SLC10A7: variants seen among roughly 807,000 people sequenced by gnomAD.
SLC10A7 encodes the protein sodium/bile acid cotransporter 7.
A neutral mutation model predicts 43.2 loss-of-function variants in SLC10A7; 29 were observed. The ratio of observed to expected loss-of-function variants is 0.67; its 90% CI spans 0.50 to 0.92. SLC10A7 has a LOEUF of 0.92. Among genes scored for constraint, SLC10A7 ranks in the 40% least tolerant of loss-of-function variants. SLC10A7 has a pLI of 0.00. For synonymous variants in SLC10A7, 152 were observed against 144.8 expected (o/e 1.05, Z -0.35); for missense variants, 295 against 403.2 (o/e 0.73, Z 2.30).
intron 7 of SLC10A7, among the ~76,000 whole-genome samples, chr4:146,299,061 T>C (rs1367094695): frequency 6.6e-6 from 1 of 152,262 alleles, no homozygotes; most frequent in African/African-American, 2.4e-5. Flanking sequence ...AATAAAAGAT[T>C]AAGAAAAATA....
At chr4:146,390,622 C>A (rs992704193) in intron 5 of SLC10A7, among the ~76,000 whole-genome samples, 1 of 152,018 alleles carries the variant, frequency 6.6e-6, no homozygotes, top group Non-Finnish European at 1.5e-5. Flanking sequence ...GGTGACAAAG[C>A]AAGACCCTGT....
At chr4:146,481,673 A>G (rs181018289) in intron 4 of SLC10A7, among the ~76,000 whole-genome samples, 207 of 152,336 alleles carry the variant, frequency 1.4e-3, no homozygotes, top group African/African-American at 4.6e-3. Context: ...CTGCTAGGGT[A>G]TGCTTCAGAG....
chr4:146,324,441 A>ACAC (rs1215267681), intron 6 of SLC10A7, among the ~76,000 whole-genome samples: 4 of 152,086 alleles, frequency 2.6e-5, no homozygotes, highest in Non-Finnish European at 5.9e-5. Flanking sequence ...AGATGTTACA[A>ACAC]CCTAGGCCTC....
At chr4:146,425,447 G>C (rs1188424227) in intron 5 of SLC10A7, among the ~76,000 whole-genome samples, 2 of 152,184 alleles carry the variant, frequency 1.3e-5, no homozygotes, top group African/African-American at 4.8e-5. Context: ...AATGTGGCTA[G>C]TGTGACTGAG....
intron 5 of SLC10A7, among the ~76,000 whole-genome samples, chr4:146,355,754 T>C (rs1186563392): frequency 9.8e-4 from 147 of 149,654 alleles, no homozygotes; most frequent in Non-Finnish European, 1.8e-3. Flanking sequence ...ATGGATGAAA[T>C]TGGAAACCAT....
intron 10 of SLC10A7, among the ~76,000 whole-genome samples, chr4:146,270,667 G>C (rs897871157): frequency 6.6e-6 from 1 of 152,174 alleles, no homozygotes; most frequent in African/African-American, 2.4e-5. Context: ...TATTGCGGTG[G>C]AGTCAGAGGA....
In SLC10A7 at chr4:146,363,483, A is replaced by G. The variant is rs542719039; in HGVS notation, c.436-37487T>C. Among the ~76,000 whole-genome samples the G allele has an allele frequency of 2.6e-5, 4 of 152,208 alleles. No homozygotes were observed. The South Asian group carries it at 8.3e-4, about 32-fold the overall frequency. ...ACAGAAATCCAACAAAGAAATATCA[A>G]TCTGCACTATAGACCAAATGGACCT... On this transcript the variant is annotated intron_variant, in intron 5 of 11. Transcript: ENST00000335472.
chr4:146,335,110 G>A (rs1402125716), intron 5 of SLC10A7, among the ~76,000 whole-genome samples: 1 of 151,946 alleles, frequency 6.6e-6, no homozygotes, highest in Non-Finnish European at 1.5e-5. Context: ...AGAAGATGAT[G>A]TCAGTGTTTG....
chr4:146,354,079 G>C, intron 5 of SLC10A7, among the ~76,000 whole-genome samples: 2 of 147,846 alleles, frequency 1.4e-5, no homozygotes, highest in Middle Eastern at 6.8e-3. Context: ...ATTCAATTAG[G>C]AAAAGAGGAA....
intron 5 of SLC10A7, chr4:146,441,616 T>C: frequency 1.2e-6 from 1 of 829,420 alleles, no homozygotes; most frequent in Non-Finnish European, 1.5e-6. Flanking sequence ...ACTCATGAAA[T>C]AATGACTTAA....
intron 10 of SLC10A7, among the ~76,000 whole-genome samples, chr4:146,280,860 A>G (rs1387588876): frequency 6.6e-6 from 1 of 152,174 alleles, no homozygotes; most frequent in East Asian, 1.9e-4. Context: ...TGGAGCTGGA[A>G]GTAAAATTAC....
At chr4:146,497,508 G>T (rs549434261) in intron 4 of SLC10A7, among the ~76,000 whole-genome samples, 2 of 151,780 alleles carry the variant, frequency 1.3e-5, no homozygotes, top group African/African-American at 4.8e-5. Context: ...TCAAAATTTT[G>T]CAAAGTTGTA....
intron 5 of SLC10A7, among the ~76,000 whole-genome samples, chr4:146,396,732 T>TTA (rs146416535): frequency 6.6e-6 from 1 of 151,862 alleles, no homozygotes; most frequent in East Asian, 1.9e-4. Flanking sequence ...AATTGTGGGA[T>TTA]TATATATATT....
At chr4:146,499,032 C>A (rs1736172459) in intron 4 of SLC10A7, among the ~76,000 whole-genome samples, 1 of 151,968 alleles carries the variant, frequency 6.6e-6, no homozygotes, top group African/African-American at 2.4e-5. Context: ...GCATACATCC[C>A]CAAATCATTA....
chr4:146,517,024 A>G lies in SLC10A7; in HGVS notation c.183+14T>C, dbSNP rs748244647. 6.4e-7 allele frequency: 1 copy of G among 1,572,590 alleles called. No individual in the cohort carries two copies. Among genetic ancestry groups the G allele is most frequent in the African/African-American group, 1.4e-5 (1 of 73,596 alleles). ...TTTCTCCCTGCTTTTCATGTGTCCC[A>G]TAGATGACAGTACCTCTGTTTTCAA... On this transcript the variant is annotated intron_variant, in intron 2 of 11. Transcript: ENST00000335472.
chr4:146,353,347 A>C (rs1225802891), intron 5 of SLC10A7, among the ~76,000 whole-genome samples: 1 of 120,150 alleles, frequency 8.3e-6, no homozygotes, highest in Non-Finnish European at 1.7e-5. Context: ...GAAGAAGTTG[A>C]ATCTCTGAAT....
chr4:146,497,416 C>T (rs76369588), intron 4 of SLC10A7, among the ~76,000 whole-genome samples: 1,888 of 152,188 alleles, frequency 0.012, 19 homozygotes, highest in African/African-American at 0.025. Context: ...ACTCTTAATG[C>T]TTTTTTCTTT....
chr4:146,496,861 C>A (rs745479317), intron 4 of SLC10A7, among the ~76,000 whole-genome samples: 1 of 152,104 alleles, frequency 6.6e-6, no homozygotes, highest in African/African-American at 2.4e-5. Context: ...GAAAAGGTTA[C>A]TTTTTCTCCC....
At chr4:146,335,071 T>C (rs1430419374) in intron 5 of SLC10A7, among the ~76,000 whole-genome samples, 2 of 151,910 alleles carry the variant, frequency 1.3e-5, no homozygotes, top group Admixed American at 6.6e-5. Flanking sequence ...ATGAATGAGC[T>C]ATGACGATGT....
Sources: allele counts gnomAD v4.1 joint callset (sites outside exome capture counted in the v4.1 genomes callset), GRCh38; gene constraint gnomAD v4.1.1; transcripts MANE v1.5; gene names NCBI Gene and HGNC (gene_info 2026-07-23, HGNC 2026-07-21).